The following RNF40 variants were observed in gnomAD, a reference collection of about 807,000 sequenced individuals.
RNF40 encodes ring finger protein 40, also known as E3 ubiquitin-protein ligase BRE1B.
In RNF40, 39 loss-of-function variants were observed where a neutral mutation model predicts 123.3. The observed-to-expected ratio is 0.32, with a 90% CI of 0.24 to 0.41. RNF40 has a LOEUF of 0.41. RNF40 is among the 10% of genes least tolerant of loss of function. The pLI is 1.00. For missense variants in RNF40, 1,003 were observed against 1,319.9 expected (o/e 0.76, Z 3.72); for synonymous variants, 538 against 526.0 (o/e 1.02, Z -0.31).
At chr16:30,765,358 A>G in intron 7 of RNF40, 31 bp downstream of exon 7, 1 of 1,614,082 alleles carries the variant, frequency 6.2e-7, no homozygotes, top group South Asian at 1.1e-5. Context: ...CAGGTGAGGC[A>G]AGGCTGGGCC....
At chr16:30,767,498 A>T (rs1239773716) in intron 11 of RNF40, among the ~76,000 whole-genome samples, 2 of 151,684 alleles carry the variant, frequency 1.3e-5, no homozygotes, top group East Asian at 1.9e-4. Context: ...AATTGGATGT[A>T]TAAAAAAAAA....
rs577148746 is a variant in RNF40 at position 30,768,544 on chromosome 16, C to T, written c.1979+14C>T. The T allele has an allele frequency of 9.1e-5, 147 of 1,613,156 alleles. 3 individuals carry two copies. In the South Asian group the frequency reaches 1.0e-3, roughly 11 times the overall value. ...AGCAGAGCTCAAGTGAGGCTCTGTT[C>T]CTGTCTCCTTCCTGACCCTGCCAGG... On this transcript the variant is annotated intron_variant, in intron 13 of 19. Transcript: ENST00000324685. The surrounding 1 kb of genome is among the most constrained non-coding windows in gnomAD (Gnocchi z 4.1).
chr16:30,774,190 A>G lies in RNF40; in HGVS notation c.*76A>G. Reference sequence around the variant, plus strand: ...CCCATCTCCTCCCCACCCCAGGTCTAGTGGCCCCACCCTCCATTCCGGACC... The same window carrying G: ...CCCATCTCCTCCCCACCCCAGGTCTGGTGGCCCCACCCTCCATTCCGGACC... On this transcript the variant is annotated 3_prime_UTR_variant, in exon 20 of 20. Coordinates refer to ENST00000324685, the MANE Select transcript of RNF40 (RefSeq NM_014771.4). 1 of 1,467,748 alleles carries G rather than the reference A, an allele frequency of 6.8e-7. No individual in the cohort carries two copies. The highest frequency in any genetic ancestry group is 9.2e-7 in the Non-Finnish European group (1 of 1,088,032). 90.9% of individuals were successfully genotyped at this position (1,467,748 alleles called of 1,614,324 possible).
In RNF40 at chr16:30,769,409, C is replaced by T. The variant is rs200341198; in HGVS notation, c.2460+11C>T. 29 of 1,614,184 alleles carry T rather than the reference C, an allele frequency of 1.8e-5. No individual in the cohort carries two copies. The highest frequency in any genetic ancestry group is 6.7e-5 in the East Asian group (3 of 44,880). On this transcript the variant is annotated intron_variant, in intron 16 of 19. Coordinates refer to ENST00000324685, the MANE Select transcript of RNF40 (RefSeq NM_014771.4). Reference sequence around the variant, plus strand: ...GGCCTCAAGTCCCAGGTATGGCCGCCGCCAGCTTGCAGACTGGAGCTGGAG... The same window carrying T: ...GGCCTCAAGTCCCAGGTATGGCCGCTGCCAGCTTGCAGACTGGAGCTGGAG...
At chr16:30,773,322 G>A (rs2054179622) in intron 19 of RNF40, among the ~76,000 whole-genome samples, 2 of 152,304 alleles carry the variant, frequency 1.3e-5, no homozygotes, top group African/African-American at 2.4e-5. Flanking sequence ...CTGGGAGACA[G>A]GAGTGATGGC....
chr16:30,765,554 T>G, intron 8 of RNF40, 55 bp downstream of exon 8: 10 of 1,503,296 alleles, frequency 6.7e-6, no homozygotes, highest in Non-Finnish European at 9.2e-6. Context: ...GTTGCACTCT[T>G]GAAATTCCCC....
chr16:30,766,736 C>A lies in RNF40; in HGVS notation c.1294-5C>A. 6.2e-7 allele frequency: 1 copy of A among 1,613,856 alleles called. No individual in the cohort carries two copies. The highest frequency in any genetic ancestry group is 8.5e-7 in the Non-Finnish European group (1 of 1,179,978). On this transcript the variant is annotated splice_polypyrimidine_tract_variant and splice_region_variant and intron_variant, in intron 10 of 19. Coordinates refer to ENST00000324685, the MANE Select transcript of RNF40 (RefSeq NM_014771.4). This position sits in a 1 kb window ranked among gnomAD's most constrained non-coding sequence, Gnocchi z 5.4. ...TGTGTGGGTCCTTAACACATCAACC[C>A]ACAGAGCGACGAGCTGGGGCTGCAG... is the stretch of plus-strand genomic sequence containing the variant.
chr16:30,772,057 C>G (rs751103056), intron 18 of RNF40, 32 bp from the exon 19 acceptor site: 3 of 1,578,396 alleles, frequency 1.9e-6, no homozygotes, highest in South Asian at 2.3e-5. Flanking sequence ...GGTTGAGGAC[C>G]CTTGCCCTTA....
Position 30,774,821 on chromosome 16 carries a change from C to T in RNF40, c.*707C>T, listed in dbSNP as rs1381694190. On this transcript the variant is annotated 3_prime_UTR_variant, in exon 20 of 20. Coordinates refer to ENST00000324685, the MANE Select transcript of RNF40 (RefSeq NM_014771.4). ...CCCCTTCCCAATCTCCATTTCTCTG[C>T]CAAGCCCATTTACCCCCACCTCATG... is the stretch of plus-strand genomic sequence containing the variant. 2.7e-6 allele frequency: 1 copy of T among 372,308 alleles called. No homozygotes were observed. Among genetic ancestry groups the T allele is most frequent in the Non-Finnish European group, 5.3e-6 (1 of 188,138 alleles). 23.1% of individuals were successfully genotyped at this position (372,308 alleles called of 1,614,324 possible).
rs1406634557 is a variant in RNF40 at position 30,774,782 on chromosome 16, C to G, written c.*668C>G. The G allele has an allele frequency of 5.6e-6, 2 of 354,856 alleles. No homozygotes were observed. Among genetic ancestry groups the G allele is most frequent in the Non-Finnish European group, 1.1e-5 (2 of 178,914 alleles). The allele number at this position is 354,856 out of a possible 1,614,324, so 22.0% of individuals were successfully genotyped here. A position where few individuals can be genotyped will look rare whatever the true frequency, so the allele number is the denominator to read the frequency against. On this transcript the variant is annotated 3_prime_UTR_variant, in exon 20 of 20. Transcript: ENST00000324685. ...GGTGCTGAACCAACATCATCAGTTTCTATTCTAATCAGGCCCCTTCCCAAT... is the reference window on the plus strand; with the variant it reads ...GGTGCTGAACCAACATCATCAGTTTGTATTCTAATCAGGCCCCTTCCCAAT...
rs1567290664 is a variant in RNF40 at position 30,775,338 on chromosome 16, G to A, written c.*1224G>A. The A allele has an allele frequency of 3.5e-6, 1 of 289,324 alleles. No individual in the cohort carries two copies. Among genetic ancestry groups the A allele is most frequent in the East Asian group, 1.0e-4 (1 of 9,720 alleles). 17.9% of individuals were successfully genotyped at this position (289,324 alleles called of 1,614,324 possible). Reference sequence around the variant, plus strand: ...CCGGACTGGGCCTGAAGGGGAGAGCGTGGTGGTCGTCGCGGAGCCGCCTGT... The same window carrying A: ...CCGGACTGGGCCTGAAGGGGAGAGCATGGTGGTCGTCGCGGAGCCGCCTGT... On this transcript the variant is annotated 3_prime_UTR_variant, in exon 20 of 20. Coordinates refer to ENST00000324685, the MANE Select transcript of RNF40 (RefSeq NM_014771.4).
In RNF40 at chr16:30,768,349, T is replaced by C. The variant is rs748993725; in HGVS notation, c.1798T>C (p.Ser600Pro). 13 of 1,612,988 alleles carry C rather than the reference T, an allele frequency of 8.1e-6. No homozygotes were observed. The East Asian group carries it at 2.9e-4, about 36-fold the overall frequency. Residue 600 changes from serine (S) to proline (P), a missense_variant, in exon 13 of 20, where the codon TCC (serine) becomes CCC (proline). Ser to Pro is a moderately conservative substitution (Grantham distance 74, BLOSUM62 -1). Transcript: ENST00000324685. This position sits in a 1 kb window ranked among gnomAD's most constrained non-coding sequence, Gnocchi z 4.1. Reference sequence around the variant, plus strand: ...TATAACCCCTGGGGCCCAGGGCCCTTCCTCCCGGGGCCGAGAACCTGAGGC... The same window carrying C: ...TATAACCCCTGGGGCCCAGGGCCCTCCCTCCCGGGGCCGAGAACCTGAGGC... ...QGITPGAQGPSSRGREPEARP... is the reference protein window; with the variant it reads ...QGITPGAQGPPSRGREPEARP...
chr16:30,762,845 C>T (rs964356993), intron 2 of RNF40, 168 bp downstream of exon 2: 30 of 917,584 alleles, frequency 3.3e-5, no homozygotes, highest in Non-Finnish European at 4.4e-5. Flanking sequence ...GCCTGTCTTC[C>T]CTTTACAGAT....
At chr16:30,770,544 G>T (rs2054130254) in intron 17 of RNF40, among the ~76,000 whole-genome samples, 1 of 152,158 alleles carries the variant, frequency 6.6e-6, no homozygotes, top group Admixed American at 6.5e-5. Flanking sequence ...CTAACCACTC[G>T]CTGGTGAACT....
Position 30,765,130 on chromosome 16 carries a change from C to A in RNF40, c.772-51C>A, listed in dbSNP as rs770623002. 6.2e-6 allele frequency: 10 copies of A among 1,611,642 alleles called. No individual in the cohort carries two copies. In the East Asian group the frequency reaches 2.0e-4, roughly 32 times the overall value. On this transcript the variant is annotated intron_variant, in intron 6 of 19. Coordinates refer to ENST00000324685, the MANE Select transcript of RNF40 (RefSeq NM_014771.4). ...TTTGGGTTAGATGGGCACTCAGGGA[C>A]CTCAGGAACCAAGTCCCCCATCCAA...
intron 8 of RNF40, among the ~76,000 whole-genome samples, chr16:30,765,709 G>A (rs2054015732): frequency 6.6e-6 from 1 of 152,170 alleles, no homozygotes; most frequent in Admixed American, 6.5e-5. Context: ...CAAAATAGAG[G>A]TCAAAACTTT....
chr16:30,770,253 G>GCGCACCACC (rs1166939333), intron 17 of RNF40, among the ~76,000 whole-genome samples: 1 of 151,456 alleles, frequency 6.6e-6, no homozygotes, highest in Non-Finnish European at 1.5e-5. Context: ...GATTACAGGC[G>GCGCACCACC]CGCACCACCA....
chr16:30,763,156 GAA>G lies in RNF40; in HGVS notation c.173_174del (p.Lys58ThrfsTer12). The G allele has an allele frequency of 6.2e-7, 1 of 1,614,036 alleles. No individual in the cohort carries two copies. Among genetic ancestry groups the G allele is most frequent in the Non-Finnish European group, 8.5e-7 (1 of 1,180,038 alleles). Reference protein sequence around the residue: ...DLKVLQFKNKKLAERLEQRQA... With the variant: ...DLKVLQFKNKXLAERLEQRQA... Reference sequence around the variant, plus strand: ...TGAAGGTACTACAGTTCAAGAACAAGAAACTGGCAGAGCGGCTGGAACAACGG... The same window carrying G: ...TGAAGGTACTACAGTTCAAGAACAAGACTGGCAGAGCGGCTGGAACAACGG... On this transcript the variant is annotated frameshift_variant, in exon 3 of 20. Coordinates refer to ENST00000324685, the MANE Select transcript of RNF40 (RefSeq NM_014771.4). LOFTEE classifies it high-confidence loss of function.
intron 17 of RNF40, among the ~76,000 whole-genome samples, chr16:30,771,306 G>T (rs1389628292): frequency 6.6e-6 from 1 of 152,100 alleles, no homozygotes; most frequent in Non-Finnish European, 1.5e-5. Flanking sequence ...AGAGAGGAGA[G>T]CCTTGTGAAA....
Sources: allele counts gnomAD v4.1 joint callset (sites outside exome capture counted in the v4.1 genomes callset), GRCh38; gene constraint gnomAD v4.1.1; non-coding constraint Gnocchi (gnomAD v3.1); transcripts MANE v1.5; gene names NCBI Gene and HGNC (gene_info 2026-07-23, HGNC 2026-07-21).